Variants in IQCM observed in about 807,000 individuals in gnomAD.
IQCM encodes IQ motif containing M.
A neutral mutation model predicts 57.6 loss-of-function variants in IQCM; 45 were observed. The observed-to-expected ratio is 0.78, with a 90% confidence interval of 0.62 to 1.00. The LOEUF (loss-of-function observed/expected upper bound fraction) is 1.00, where lower values mean the gene tolerates loss of function less well. Among genes scored for constraint, IQCM ranks in the 50% least tolerant of loss-of-function variants. The pLI, the probability that IQCM is intolerant of heterozygous loss-of-function variation, is 0.00. For synonymous variants in IQCM, 148 were observed against 158.9 expected (o/e 0.93, Z 0.51); for missense variants, 468 against 511.6 (o/e 0.91, Z 0.82).
chr4:149,446,242 G>T (rs1736493266), intron 12 of IQCM, among the ~76,000 whole-genome samples: 1 of 151,592 alleles, frequency 6.6e-6, no homozygotes. Flanking sequence ...TATGAACTCT[G>T]AGATATATTT....
At chr4:149,762,261 C>T (rs1769593797) in intron 2 of IQCM, among the ~76,000 whole-genome samples, 1 of 150,510 alleles carries the variant, frequency 6.6e-6, no homozygotes, top group South Asian at 2.1e-4. Context: ...ACTGAGGAGG[C>T]AGTATTATAT....
intron 13 of IQCM, among the ~76,000 whole-genome samples, chr4:149,425,462 G>C (rs1361548896): frequency 2.0e-5 from 3 of 151,908 alleles, no homozygotes; most frequent in Non-Finnish European, 4.4e-5. Context: ...AGGATCTTGG[G>C]GGTTGATGGT....
chr4:149,392,126 T>C (rs1578901038), intron 13 of IQCM, among the ~76,000 whole-genome samples: 1 of 1,872 alleles, frequency 5.3e-4, no homozygotes, highest in African/African-American at 6.8e-4. Context: ...ATTTTGTCAG[T>C]TTTTTTTTTT....
intron 8 of IQCM, among the ~76,000 whole-genome samples, chr4:149,614,993 T>C (rs1225865908): frequency 1.3e-5 from 2 of 152,200 alleles, no homozygotes; most frequent in Non-Finnish European, 2.9e-5. Flanking sequence ...CACTCTCTTC[T>C]GTATTTCCAA....
chr4:149,361,414 C>T lies in IQCM; in HGVS notation c.1391-9348G>A, dbSNP rs377615899. Among the ~76,000 whole-genome samples the T allele has an allele frequency of 3.9e-5, 6 of 152,146 alleles. No individual in the cohort carries two copies. In the East Asian group the frequency reaches 1.2e-3, roughly 29 times the overall value. Reference sequence around the variant, plus strand: ...TTGGGAAAATATCTCCAGGCCATGTCAAAGACCTTCATGGCAGCCCCTCCC... The same window carrying T: ...TTGGGAAAATATCTCCAGGCCATGTTAAAGACCTTCATGGCAGCCCCTCCC... On this transcript the variant is annotated intron_variant, in intron 13 of 13. Coordinates refer to ENST00000636793, the MANE Select transcript of IQCM (RefSeq NM_001363507.2).
chr4:149,486,008 GCAAA>G (rs1014349251), intron 12 of IQCM, among the ~76,000 whole-genome samples: 28 of 129,682 alleles, frequency 2.2e-4, no homozygotes, highest in Non-Finnish European at 3.6e-4. Context: ...TTTCTCCCAA[GCAAA>G]CAGAGTCTCT....
At chr4:149,427,934 T>G (rs1734572018) in intron 13 of IQCM, among the ~76,000 whole-genome samples, 1 of 151,914 alleles carries the variant, frequency 6.6e-6, no homozygotes, top group Non-Finnish European at 1.5e-5. Flanking sequence ...TTTCAGTGAC[T>G]ATATTATTCA....
intron 13 of IQCM, among the ~76,000 whole-genome samples, chr4:149,355,990 G>A (rs1284795561): frequency 2.0e-5 from 3 of 152,232 alleles, no homozygotes; most frequent in Non-Finnish European, 4.4e-5. Context: ...TTCTCTGATG[G>A]CCAGTGATGA....
chr4:149,461,957 G>T (rs1208276736), intron 12 of IQCM, among the ~76,000 whole-genome samples: 4 of 152,010 alleles, frequency 2.6e-5, no homozygotes, highest in Non-Finnish European at 1.5e-5. Flanking sequence ...TAACAGTACT[G>T]GTCTGTGGCC....
At chr4:149,815,544 A>G (rs755144474) in intron 1 of IQCM, 56 bp downstream of exon 1, 1 of 152,004 alleles carries the variant, frequency 6.6e-6, no homozygotes, top group Non-Finnish European at 1.5e-5. Context: ...AAAGCTTTTT[A>G]TAAGAAACAG....
chr4:149,436,702 G>A (rs1050225360), intron 12 of IQCM, among the ~76,000 whole-genome samples: 1 of 152,026 alleles, frequency 6.6e-6, no homozygotes, highest in Non-Finnish European at 1.5e-5. Flanking sequence ...AATTTTTGCT[G>A]TTTATGGACT....
At chr4:149,356,205 T>A (rs1347383506) in intron 13 of IQCM, among the ~76,000 whole-genome samples, 1 of 152,204 alleles carries the variant, frequency 6.6e-6, no homozygotes, top group Non-Finnish European at 1.5e-5. Context: ...GCCTGTTCAC[T>A]CTGATGGTGG....
chr4:149,587,606 T>G (rs1277418075), intron 9 of IQCM, among the ~76,000 whole-genome samples: 1 of 151,824 alleles, frequency 6.6e-6, no homozygotes, highest in Non-Finnish European at 1.5e-5. Context: ...ACATATGCAG[T>G]GTCATTTACG....
intron 11 of IQCM, among the ~76,000 whole-genome samples, chr4:149,552,140 A>G (rs543016765): frequency 6.6e-6 from 1 of 152,210 alleles, no homozygotes; most frequent in Non-Finnish European, 1.5e-5. Flanking sequence ...TTATCTGCAA[A>G]TAGCTTTTAG....
chr4:149,553,271 G>A lies in IQCM; in HGVS notation c.965C>T (p.Pro322Leu). The A allele has an allele frequency of 8.1e-7, 1 of 1,231,738 alleles. No individual in the cohort carries two copies. The highest frequency in any genetic ancestry group is 3.1e-4 in the Middle Eastern group (1 of 3,206). 76.3% of individuals were successfully genotyped at this position (1,231,738 alleles called of 1,614,324 possible). A position where few individuals can be genotyped will look rare whatever the true frequency, so the allele number is the denominator to read the frequency against. ...RVMTKALDHG[P>L]DMKAVINMYG... ...CATGTTAATAACTGCTTTCATATCT[G>A]GTCCATGATCCAAAGCCTACAAAGA... Residue 322 changes from proline to leucine, a missense_variant, in exon 11 of 14, where the codon CCA (proline) becomes CTA (leucine). By Grantham distance (98) the Pro-to-Leu change is moderately conservative. Coordinates refer to ENST00000636793, the MANE Select transcript of IQCM (RefSeq NM_001363507.2).
rs1047944995 is a variant in IQCM at position 149,539,252 on chromosome 4, T to C, written c.1228+9203A>G. On this transcript the variant is annotated intron_variant, in intron 12 of 13. Transcript: ENST00000636793. Reference sequence around the variant, plus strand: ...AAAGAATATAGTACTTAAAATATGTTACAACATGGATGAACTTCAAAAATA... The same window carrying C: ...AAAGAATATAGTACTTAAAATATGTCACAACATGGATGAACTTCAAAAATA... Among the ~76,000 whole-genome samples the C allele has an allele frequency of 2.6e-5, 4 of 152,118 alleles. 1 individual carries two copies. Among genetic ancestry groups the C allele is most frequent in the Admixed American group, 6.6e-5 (1 of 15,250 alleles).
chr4:149,714,707 A>G (rs1006896232), intron 5 of IQCM, among the ~76,000 whole-genome samples: 1 of 152,208 alleles, frequency 6.6e-6, no homozygotes, highest in African/African-American at 2.4e-5. Context: ...GAATAATTAT[A>G]ATAATATGCC....
intron 9 of IQCM, among the ~76,000 whole-genome samples, chr4:149,569,479 C>A (rs1260547722): frequency 6.6e-6 from 1 of 152,076 alleles, no homozygotes; most frequent in Non-Finnish European, 1.5e-5. Flanking sequence ...GACTCCATTC[C>A]TCTCCACTCT....
At chr4:149,368,795 CATATATATACATGT>C (rs1730046558) in intron 13 of IQCM, among the ~76,000 whole-genome samples, 1 of 85,210 alleles carries the variant, frequency 1.2e-5, no homozygotes, top group African/African-American at 4.6e-5. Context: ...TATATATATA[CATATATATACATGT>C]ATATATATAC....
Sources: allele counts gnomAD v4.1 joint callset (sites outside exome capture counted in the v4.1 genomes callset), GRCh38; gene constraint gnomAD v4.1.1; transcripts MANE v1.5; gene names NCBI Gene and HGNC (gene_info 2026-07-23, HGNC 2026-07-21).